Variants in CAPN6 observed in about 807,000 individuals in gnomAD.
The protein encoded by CAPN6 is calpain-6.
A neutral mutation model predicts 46.0 loss-of-function variants in CAPN6; 16 were observed. That is an observed-to-expected ratio of 0.35 (90% CI 0.24 to 0.53). CAPN6 has a LOEUF of 0.53. CAPN6 is among the 20% of genes least tolerant of loss of function. The pLI, the probability that CAPN6 is intolerant of heterozygous loss-of-function variation, is 0.94. For synonymous variants in CAPN6, 206 were observed against 172.8 expected, an observed-to-expected ratio of 1.19 and a Z score of -1.51; for missense variants, 461 against 498.0, an observed-to-expected ratio of 0.93 and a Z score of 0.71.
rs1370265664 is a variant in CAPN6 at position 111,252,343 on chromosome X, T to A, written c.663A>T (p.Thr221=). 1.7e-6 allele frequency: 2 copies of A among 1,208,358 alleles called. No homozygotes were observed. The highest frequency in any genetic ancestry group is 2.2e-5 in the Admixed American group (1 of 45,650). ...KYKLFGELYK[T]FTKGGLICCS... is the part of the protein sequence containing the mutation. ...AGCAGATCAGACCACCTTTGGTAAA[T>A]GTTTTGTACAGTTCTCCGAATAGCT... Residue 221 remains threonine (T), a synonymous_variant, in exon 5 of 13, where the codon ACA becomes ACT. Coordinates refer to ENST00000324068, the MANE Select transcript of CAPN6 (RefSeq NM_014289.4).
intron 1 of CAPN6, among the ~76,000 whole-genome samples, chrX:111,270,160 C>T (rs1250324581): frequency 8.9e-6 from 1 of 111,909 alleles, no homozygotes; most frequent in Non-Finnish European, 1.9e-5. Context: ...CATCACCCCA[C>T]ACACCCCTCA....
At chrX:111,266,966 A>T (rs2094992444) in intron 1 of CAPN6, among the ~76,000 whole-genome samples, 1 of 112,169 alleles carries the variant, frequency 8.9e-6, no homozygotes, top group Non-Finnish European at 1.9e-5. Context: ...CGGCGGGTTC[A>T]TCATTTAAAC....
In CAPN6 at chrX:111,246,158, T is replaced by C. The variant is rs766908794; in HGVS notation, c.*419A>G. The stretch of plus-strand genomic sequence containing the variant: ...AAGTCTATAGTGTTCAGTCAGGAGC[T>C]AGGATGTCAGGCTAGACCAGCTTGG... On this transcript the variant is annotated 3_prime_UTR_variant, in exon 13 of 13. Transcript: ENST00000324068. 9 of 121,165 alleles carry C rather than the reference T, an allele frequency of 7.4e-5. No individual in the cohort carries two copies. Among genetic ancestry groups the C allele is most frequent in the East Asian group, 2.6e-4 (1 of 3,833 alleles). 10.0% of individuals were successfully genotyped at this position (121,165 alleles called of 1,213,427 possible).
intron 8 of CAPN6, 74 bp downstream of exon 8, chrX:111,250,843 A>C: frequency 1.0e-6 from 1 of 953,925 alleles, no homozygotes; most frequent in Non-Finnish European, 1.5e-6. Context: ...GAAATACTCC[A>C]GAGATGACCA....
At position 111,252,492 on chromosome X, in the gene CAPN6, C is replaced by G; in HGVS notation, c.514G>C (p.Gly172Arg). 1 of 1,198,908 alleles carries G rather than the reference C, an allele frequency of 8.3e-7. No homozygotes were observed. The highest frequency in any genetic ancestry group is 1.1e-6 in the Non-Finnish European group (1 of 889,614). ...AAACCATCCAGGGCCTCATAACAGC[C>G]TAGCAGCCTGAGGGCAAGTATGCAA... ...LLEKAYAKLLGCYEALDGLTI... is the reference protein window; with the variant it reads ...LLEKAYAKLLRCYEALDGLTI... Residue 172 changes from glycine (G) to arginine (R), a missense_variant, in exon 5 of 13, where the codon GGC becomes CGC. Gly to Arg is a moderately radical substitution (Grantham distance 125). Transcript: ENST00000324068.
intron 2 of CAPN6, among the ~76,000 whole-genome samples, chrX:111,255,585 C>T (rs1384490270): frequency 8.9e-6 from 1 of 112,920 alleles, no homozygotes; most frequent in East Asian, 2.8e-4. Context: ...GGAATCTAGA[C>T]ATATATCCTT....
At chrX:111,269,286 A>G (rs2094994276) in intron 1 of CAPN6, among the ~76,000 whole-genome samples, 1 of 112,174 alleles carries the variant, frequency 8.9e-6, no homozygotes, top group African/African-American at 3.2e-5. Flanking sequence ...ACACGTGCAC[A>G]TAAGCATGCT....
At chrX:111,265,803 T>G (rs189934965) in intron 1 of CAPN6, among the ~76,000 whole-genome samples, 7 of 111,805 alleles carry the variant, frequency 6.3e-5, no homozygotes, top group African/African-American at 2.3e-4. Context: ...TAAATGAGTA[T>G]TTCCTGTTCT....
At chrX:111,251,137 T>C (rs1488729455) in intron 7 of CAPN6, 34 bp from the exon 8 acceptor site, 3 of 1,203,397 alleles carry the variant, frequency 2.5e-6, no homozygotes, top group Admixed American at 4.4e-5. Flanking sequence ...AAAATAAAGA[T>C]GGTATTTAAT....
intron 2 of CAPN6, among the ~76,000 whole-genome samples, chrX:111,257,246 C>A (rs2094984626): frequency 8.9e-6 from 1 of 111,738 alleles, no homozygotes; most frequent in African/African-American, 3.3e-5. Flanking sequence ...GATGCTACTA[C>A]CTCTTTCAGT....
Position 111,270,365 on chromosome X carries a change from A to G in CAPN6, c.-16+6T>C. On this transcript the variant is annotated splice_donor_region_variant and intron_variant, in intron 1 of 12. Coordinates refer to ENST00000324068, the MANE Select transcript of CAPN6 (RefSeq NM_014289.4). ...GGGTAAGTTTGCGAATTCCCTCTCT[A>G]CTCACCTGAGTTATCCCAGGAGCCC... is the stretch of plus-strand genomic sequence containing the variant. 3.2e-6 allele frequency: 1 copy of G among 317,098 alleles called. No individual in the cohort carries two copies. The highest frequency in any genetic ancestry group is 5.9e-6 in the Non-Finnish European group (1 of 168,340). 26.1% of individuals were successfully genotyped at this position (317,098 alleles called of 1,213,427 possible). A position where few individuals can be genotyped will look rare whatever the true frequency, so the allele number is the denominator to read the frequency against.
Position 111,246,421 on chromosome X carries a change from T to C in CAPN6, c.*156A>G. ...AGGTTATGTAGCTACAGATGCTACT[T>C]GGATTGGGAGGTATGGGGAATTTAT... is the stretch of plus-strand genomic sequence containing the variant. On this transcript the variant is annotated 3_prime_UTR_variant, in exon 13 of 13. Coordinates refer to ENST00000324068, the MANE Select transcript of CAPN6 (RefSeq NM_014289.4). The C allele has an allele frequency of 2.1e-6, 1 of 482,299 alleles. No homozygotes were observed. The highest frequency in any genetic ancestry group is 3.5e-6 in the Non-Finnish European group (1 of 287,295). The allele number at this position is 482,299 out of a possible 1,213,427, so 39.7% of individuals were successfully genotyped here.
chrX:111,264,008 T>C (rs1002780412), intron 1 of CAPN6, 57 bp from the exon 2 acceptor site: 1 of 774,195 alleles, frequency 1.3e-6, no homozygotes, highest in South Asian at 3.4e-5. Context: ...CTTTTAAGGG[T>C]TACCTGAGAT....
chrX:111,253,568 G>A (rs2094981421), intron 3 of CAPN6, among the ~76,000 whole-genome samples: 1 of 112,481 alleles, frequency 8.9e-6, no homozygotes, highest in African/African-American at 3.2e-5. Flanking sequence ...AAAATGCAAG[G>A]CATTCTAAAG....
intron 3 of CAPN6, among the ~76,000 whole-genome samples, chrX:111,253,831 G>C: frequency 8.9e-6 from 1 of 112,095 alleles, no homozygotes; most frequent in East Asian, 2.8e-4. Context: ...AGGAATTTTT[G>C]TACTATTAAT....
intron 1 of CAPN6, among the ~76,000 whole-genome samples, chrX:111,268,010 C>A (rs1051623479): frequency 8.9e-6 from 1 of 111,813 alleles, no homozygotes; most frequent in Non-Finnish European, 1.9e-5. Flanking sequence ...GAGAATAGTG[C>A]TTTTCATAGG....
At chrX:111,250,300 T>C (rs1360758505) in intron 8 of CAPN6, among the ~76,000 whole-genome samples, 2 of 111,609 alleles carry the variant, frequency 1.8e-5, no homozygotes, top group Admixed American at 1.9e-4. Flanking sequence ...TATTATAGAT[T>C]CAGCCTTTAG....
intron 3 of CAPN6, 137 bp downstream of exon 3, chrX:111,254,135 G>A: frequency 2.7e-6 from 2 of 748,082 alleles, no homozygotes; most frequent in East Asian, 3.3e-5. Flanking sequence ...ATGAAATGGA[G>A]GGAAGTCGCC....
rs370514418 is a variant in CAPN6, at chrX:111,248,918, C to T, written c.1281+17G>A. 5 of 1,211,428 alleles carry T rather than the reference C, an allele frequency of 4.1e-6. No homozygotes were observed. Among genetic ancestry groups the T allele is most frequent in the Non-Finnish European group, 5.6e-6 (5 of 895,314 alleles). On this transcript the variant is annotated intron_variant, in intron 9 of 12. Coordinates refer to ENST00000324068, the MANE Select transcript of CAPN6 (RefSeq NM_014289.4). The stretch of plus-strand genomic sequence containing the variant: ...CTGTTTGCCTTCATTCTCTCTGCCC[C>T]AAATGCCCATTTTTACCTTGAAGAG...
Sources: gnomAD v4.1 joint callset for allele counts (sites outside exome capture counted in the v4.1 genomes callset) on GRCh38, gnomAD v4.1.1 for gene constraint, MANE v1.5 for transcripts, NCBI Gene and HGNC (gene_info 2026-07-23, HGNC 2026-07-21) for gene names.